The following KLK3 variants were observed in gnomAD, a reference collection of about 807,000 sequenced individuals.
KLK3 encodes prostate-specific antigen.
In KLK3, 23 loss-of-function variants were observed where a neutral mutation model predicts 27.7. That is an observed-to-expected ratio of 0.83 (90% confidence interval 0.60 to 1.17). KLK3 has a LOEUF of 1.17. Ranked by LOEUF, KLK3 falls within the 50% of genes most tolerant of loss-of-function variation. KLK3 has a pLI of 0.00. For synonymous variants in KLK3, 142 were observed against 134.2 expected (o/e 1.06, Z -0.40); for missense variants, 322 against 338.1 (o/e 0.95, Z 0.37).
At chr19:50,859,754 C>T (rs1161712764) in intron 4 of KLK3, 11 of 1,491,376 alleles carry the variant, frequency 7.4e-6, no homozygotes, top group Non-Finnish European at 9.0e-6. Flanking sequence ...GGAGCTGGAC[C>T]CTGAAGTCCC....
Position 50,858,079 on chromosome 19 carries a change from C to G in KLK3, c.257C>G (p.Thr86Arg), listed in dbSNP as rs1267168308. The change falls in exon 3 of 5, where the codon ACA becomes AGA. Residue 86 changes from threonine (T) to arginine (R), a missense_variant. Physicochemically the swap from Thr to Arg is moderately conservative, Grantham distance 71. Transcript: ENST00000326003. Reference protein sequence around the residue: ...GRHSLFHPEDTGQVFQVSHSF... With the variant: ...GRHSLFHPEDRGQVFQVSHSF... ...CACAGCCTGTTTCATCCTGAAGACA[C>G]AGGCCAGGTATTTCAGGTCAGCCAC... The G allele has an allele frequency of 3.7e-6, 6 of 1,613,810 alleles. No individual in the cohort carries two copies. The East Asian group carries it at 8.9e-5, about 24-fold the overall frequency.
At chr19:50,859,935 C>T (rs2090174021) in intron 4 of KLK3, 37 bp from the exon 5 acceptor site, 1 of 1,578,396 alleles carries the variant, frequency 6.3e-7, no homozygotes, top group Admixed American at 1.7e-5. Context: ...GAAACTGGGA[C>T]TGACCTATCT....
chr19:50,860,427 G>A lies in KLK3; in HGVS notation c.*300G>A. 4 of 249,142 alleles carry A rather than the reference G, an allele frequency of 1.6e-5. No individual in the cohort carries two copies. The highest frequency in any genetic ancestry group is 5.2e-5 in the Admixed American group (1 of 19,278). 15.4% of individuals were successfully genotyped at this position (249,142 alleles called of 1,614,324 possible). A position where few individuals can be genotyped will look rare whatever the true frequency, so the allele number is the denominator to read the frequency against. On this transcript the variant is annotated 3_prime_UTR_variant, in exon 5 of 5. Transcript: ENST00000326003. ...GGGGTACAGAGATGAAAGAGGGGTGGGATCCACACTGAGAGAGTGGAGAGT... is the reference window on the plus strand; with the variant it reads ...GGGGTACAGAGATGAAAGAGGGGTGAGATCCACACTGAGAGAGTGGAGAGT...
Position 50,856,366 on chromosome 19 carries a change from A to T in KLK3, c.173A>T (p.Gln58Leu). The T allele has an allele frequency of 6.2e-7, 1 of 1,613,740 alleles. No homozygotes were observed. The highest frequency in any genetic ancestry group is 1.1e-5 in the South Asian group (1 of 91,062). ...TGCGGCGGTGTTCTGGTGCACCCCCAGTGGGTCCTCACAGCTGCCCACTGC... is the reference window on the plus strand; with the variant it reads ...TGCGGCGGTGTTCTGGTGCACCCCCTGTGGGTCCTCACAGCTGCCCACTGC... Reference protein sequence around the residue: ...AVCGGVLVHPQWVLTAAHCIR... With the variant: ...AVCGGVLVHPLWVLTAAHCIR... The change falls in exon 2 of 5, where the codon CAG becomes CTG. Residue 58 changes from glutamine to leucine, a missense_variant. Transcript: ENST00000326003.
intron 2 of KLK3, 183 bp from the exon 3 acceptor site, chr19:50,857,846 A>G (rs1031760395): frequency 6.7e-6 from 4 of 596,670 alleles, no homozygotes; most frequent in African/African-American, 5.7e-5. Context: ...TCTGCCCTTC[A>G]CCCTCTCACA....
At chr19:50,859,390 AG>A in intron 4 of KLK3, 1 of 626,394 alleles carries the variant, frequency 1.6e-6, no homozygotes, top group Non-Finnish European at 2.9e-6. Flanking sequence ...GGAGGGCAGC[AG>A]GGATGTGGAG....
Position 50,856,305 on chromosome 19 carries a change from TG to T in KLK3, c.114del (p.Trp38CysfsTer35), listed in dbSNP as rs1405355302. On this transcript the variant is annotated frameshift_variant, in exon 2 of 5. Coordinates refer to ENST00000326003, the MANE Select transcript of KLK3 (RefSeq NM_001648.2). LOFTEE classifies it high-confidence loss of function. ...GWECEKHSQPWQVLVASRGRA... is the reference protein window; with the variant it reads ...GWECEKHSQPXQVLVASRGRA... ...GGAGTGCGAGAAGCATTCCCAACCC[TG>T]GCAGGTGCTTGTGGCCTCTCGTGGC... The T allele has an allele frequency of 6.2e-7, 1 of 1,613,524 alleles. No individual in the cohort carries two copies. Among genetic ancestry groups the T allele is most frequent in the Admixed American group, 1.7e-5 (1 of 60,014 alleles).
chr19:50,860,372 C>G lies in KLK3; in HGVS notation c.*245C>G, dbSNP rs12101. 487 of 405,404 alleles carry G rather than the reference C, an allele frequency of 1.2e-3. 1 individual carries two copies. Among genetic ancestry groups the G allele is most frequent in the African/African-American group, 8.5e-3 (422 of 49,884 alleles). 25.1% of individuals were successfully genotyped at this position (405,404 alleles called of 1,614,324 possible). On this transcript the variant is annotated 3_prime_UTR_variant, in exon 5 of 5. Transcript: ENST00000326003. ...ATATCACTCAATTTCTCTGAGGACACAGATAGGATGGGGTGTCTGTGTTAT... is the reference window on the plus strand; with the variant it reads ...ATATCACTCAATTTCTCTGAGGACAGAGATAGGATGGGGTGTCTGTGTTAT...
In KLK3 at chr19:50,857,022, G is replaced by A. The variant is rs966330618; in HGVS notation, c.206+623G>A. Among the ~76,000 whole-genome samples the A allele has an allele frequency of 5.3e-5, 8 of 151,996 alleles. No homozygotes were observed. In the East Asian group the frequency reaches 1.4e-3, roughly 26 times the overall value. Reference sequence around the variant, plus strand: ...ACTAAAAATACAAAAAATTAGCCAGGCGTGGTGGCGCATGCCTGTAGTCCC... The same window carrying A: ...ACTAAAAATACAAAAAATTAGCCAGACGTGGTGGCGCATGCCTGTAGTCCC... On this transcript the variant is annotated intron_variant, in intron 2 of 4. Transcript: ENST00000326003.
At chr19:50,856,098 C>T (rs2090144917) in intron 1 of KLK3, 142 bp from the exon 2 acceptor site, 1 of 686,650 alleles carries the variant, frequency 1.5e-6, no homozygotes, top group Admixed American at 2.6e-5. Flanking sequence ...TCCCAGCTCC[C>T]CCTGCCCATG....
chr19:50,855,086 AC>A, intron 1 of KLK3, 85 bp downstream of exon 1: 1 of 1,399,636 alleles, frequency 7.1e-7, no homozygotes, highest in Non-Finnish European at 1.0e-6. Flanking sequence ...CCAACCCAGC[AC>A]CCCAGCCCAG....
Position 50,856,247 on chromosome 19 carries a change from A to G in KLK3, c.54A>G (p.Ala18=), listed in dbSNP as rs1135766. 0.41 allele frequency: 652,677 copies of G among 1,608,168 alleles called. 137,079 individuals carry two copies. Among genetic ancestry groups the G allele is most frequent in the East Asian group, 0.51 (22,927 of 44,800 alleles). ...LTLSVTWIGA[A]PLILSRIVGG... ...CTAGCACCCCCTCTGCAGGTGCTGC[A>G]CCCCTCATCCTGTCTCGGATTGTGG... Residue 18 remains alanine, a synonymous_variant, in exon 2 of 5, where the codon GCA becomes GCG. Coordinates refer to ENST00000326003, the MANE Select transcript of KLK3 (RefSeq NM_001648.2).
At chr19:50,855,035 A>G in intron 1 of KLK3, 34 bp downstream of exon 1, 2 of 1,609,934 alleles carry the variant, frequency 1.2e-6, no homozygotes, top group Non-Finnish European at 1.7e-6. Context: ...GATGCAGGAG[A>G]GGGAGCCAGC....
intron 1 of KLK3, 159 bp from the exon 2 acceptor site, chr19:50,856,081 C>T (rs1192840004): frequency 3.2e-6 from 2 of 629,804 alleles, no homozygotes; most frequent in African/African-American, 1.8e-5. Flanking sequence ...ACAGAATTCC[C>T]AGCCTTTCCC....
chr19:50,859,099 G>C (rs1171240306), intron 4 of KLK3: 2 of 199,568 alleles, frequency 1.0e-5, no homozygotes, highest in Non-Finnish European at 2.0e-5. Context: ...TGCGGCACCT[G>C]GGGGAGCAGA....
rs1325346441 is a variant in KLK3, at chr19:50,854,995, T to C, written c.40T>C (p.Trp14Arg). ...PVVFLTLSVT[W>R]IGAAPLILSR... ...TGTCTTCCTCACCCTGTCCGTGACG[T>C]GGATTGGTGAGAGGGGCCATGGTTG... Residue 14 changes from tryptophan (W) to arginine (R), a missense_variant, in exon 1 of 5, where the codon TGG (tryptophan) becomes CGG (arginine). By Grantham distance (101) the Trp-to-Arg change is moderately radical (BLOSUM62 -3). Coordinates refer to ENST00000326003, the MANE Select transcript of KLK3 (RefSeq NM_001648.2). 1 of 1,613,748 alleles carries C rather than the reference T, an allele frequency of 6.2e-7. No homozygotes were observed. The highest frequency in any genetic ancestry group is 1.1e-5 in the South Asian group (1 of 91,064).
In KLK3 at chr19:50,860,076, G is replaced by A; in HGVS notation, c.735G>A (p.Lys245=). The A allele has an allele frequency of 6.2e-7, 1 of 1,614,140 alleles. No homozygotes were observed. Among genetic ancestry groups the A allele is most frequent in the Non-Finnish European group, 8.5e-7 (1 of 1,179,984 alleles). Residue 245 remains lysine, a synonymous_variant, in exon 5 of 5, where the codon AAG becomes AAA. Transcript: ENST00000326003. ...ALPERPSLYT[K]VVHYRKWIKD... is the part of the protein sequence containing the mutation. ...CCGAAAGGCCTTCCCTGTACACCAA[G>A]GTGGTGCATTACCGGAAGTGGATCA...
In KLK3 at chr19:50,854,964, C is replaced by T. The variant is rs201712212; in HGVS notation, c.9C>T (p.Val3=). Residue 3 remains valine, a synonymous_variant, in exon 1 of 5, where the codon GTC becomes GTT. Transcript: ENST00000326003. MW[V]PVVFLTLSVT... ...CGGAGAGCTGTGTCACCATGTGGGT[C>T]CCGGTTGTCTTCCTCACCCTGTCCG... The T allele has an allele frequency of 5.7e-4, 926 of 1,613,824 alleles. No individual in the cohort carries two copies. The highest frequency in any genetic ancestry group is 7.2e-4 in the Non-Finnish European group (851 of 1,179,860).
chr19:50,860,740 A>C lies in KLK3; in HGVS notation c.*613A>C, dbSNP rs1266144667. 2 of 152,214 alleles carry C rather than the reference A, an allele frequency of 1.3e-5. No individual in the cohort carries two copies. The highest frequency in any genetic ancestry group is 2.9e-5 in the Non-Finnish European group (2 of 68,046). 9.4% of individuals were successfully genotyped at this position (152,214 alleles called of 1,614,324 possible). On this transcript the variant is annotated 3_prime_UTR_variant, in exon 5 of 5. Transcript: ENST00000326003. ...TTGATGATTTCCTAGTAGAACTCAC[A>C]GAAATAAAGAGCTGTTATACTGTGG...
Sources: allele counts gnomAD v4.1 joint callset (sites outside exome capture counted in the v4.1 genomes callset), GRCh38; gene constraint gnomAD v4.1.1; transcripts MANE v1.5; gene names NCBI Gene and HGNC (gene_info 2026-07-23, HGNC 2026-07-21).